Variants in KIAA0825 observed in about 807,000 individuals in gnomAD.
KIAA0825 encodes the protein KIAA0825, also known as uncharacterized protein KIAA0825.
Under a neutral mutation model 147.6 loss-of-function variants are expected in KIAA0825, and 119 were observed. The ratio of observed to expected loss-of-function variants is 0.81; its 90% confidence interval spans 0.69 to 0.94. KIAA0825 has a LOEUF of 0.94. Among genes scored for constraint, KIAA0825 ranks in the 40% least tolerant of loss-of-function variants. The probability of loss-of-function intolerance (pLI) is 0.00; values close to 1 mark genes in which losing one functional copy is unlikely to be tolerated. For synonymous variants in KIAA0825, 470 were observed against 518.1 expected (o/e 0.91, Z 1.26); for missense variants, 1,381 against 1,472.7 (o/e 0.94, Z 1.02).
chr5:94,275,090 T>A (rs1240582469), intron 20 of KIAA0825, among the ~76,000 whole-genome samples: 1 of 152,148 alleles, frequency 6.6e-6, no homozygotes, highest in Non-Finnish European at 1.5e-5. Flanking sequence ...AAGGAACACA[T>A]ATGCTTGACA....
chr5:94,445,403 C>G (rs750308405), intron 13 of KIAA0825, among the ~76,000 whole-genome samples: 2 of 152,106 alleles, frequency 1.3e-5, no homozygotes, highest in Admixed American at 6.6e-5. Flanking sequence ...TCATGACCCT[C>G]CCATGAGAGT....
intron 20 of KIAA0825, among the ~76,000 whole-genome samples, chr5:94,187,495 C>T (rs1286555814): frequency 6.9e-6 from 1 of 145,138 alleles, no homozygotes. Flanking sequence ...AGCGAGATCT[C>T]GGTTTACTGC....
intron 2 of KIAA0825, among the ~76,000 whole-genome samples, chr5:94,578,584 T>TTTAG (rs1398766889): frequency 6.6e-6 from 1 of 152,222 alleles, no homozygotes; most frequent in Non-Finnish European, 1.5e-5. Flanking sequence ...CCTGCTTATG[T>TTTAG]TTAGTTACTA....
chr5:94,561,694 C>T (rs1284118910), intron 2 of KIAA0825, among the ~76,000 whole-genome samples: 2 of 152,180 alleles, frequency 1.3e-5, no homozygotes, highest in African/African-American at 2.4e-5. Context: ...TAGAAAAACT[C>T]ATCTTGTTTT....
intron 20 of KIAA0825, among the ~76,000 whole-genome samples, chr5:94,266,578 C>T (rs1776747052): frequency 6.6e-6 from 1 of 152,078 alleles, no homozygotes; most frequent in Non-Finnish European, 1.5e-5. Context: ...TGTGCGAGGT[C>T]ATATTTTCTT....
chr5:94,169,210 C>T (rs1768355061), intron 20 of KIAA0825, among the ~76,000 whole-genome samples: 1 of 152,150 alleles, frequency 6.6e-6, no homozygotes, highest in African/African-American at 2.4e-5. Context: ...TTCCAACTAA[C>T]AGTAATATTG....
At chr5:94,216,553 T>C (rs897207401) in intron 20 of KIAA0825, among the ~76,000 whole-genome samples, 3 of 152,164 alleles carry the variant, frequency 2.0e-5, no homozygotes, top group African/African-American at 2.4e-5. Context: ...GATTACCTAG[T>C]CCTGGGGGAC....
intron 1 of KIAA0825, chr5:94,618,269 C>T (rs1456231143): frequency 6.6e-6 from 1 of 152,202 alleles, no homozygotes; most frequent in Admixed American, 6.5e-5. Flanking sequence ...CACTTGGTGA[C>T]CCGAGGTCGA....
intron 20 of KIAA0825, among the ~76,000 whole-genome samples, chr5:94,176,129 T>C (rs1210092774): frequency 3.9e-5 from 6 of 152,122 alleles, no homozygotes; most frequent in African/African-American, 1.4e-4. Context: ...GTTTGGGTCA[T>C]GGGGGCAGAT....
chr5:94,517,436 T>C (rs1192629162), intron 5 of KIAA0825, among the ~76,000 whole-genome samples: 2 of 152,072 alleles, frequency 1.3e-5, no homozygotes, highest in African/African-American at 4.8e-5. Context: ...AGATAGATGA[T>C]AGATGAATGA....
chr5:94,563,518 A>G (rs1561319663), intron 2 of KIAA0825, among the ~76,000 whole-genome samples: 1 of 152,338 alleles, frequency 6.6e-6, no homozygotes, highest in East Asian at 1.9e-4. Flanking sequence ...TAAAACTAAA[A>G]AAAAGTTCAC....
chr5:94,164,612 C>T (rs544416608), intron 20 of KIAA0825, among the ~76,000 whole-genome samples: 3 of 151,984 alleles, frequency 2.0e-5, no homozygotes, highest in Non-Finnish European at 4.4e-5. Flanking sequence ...GGGGTTTCAC[C>T]GTGTTAGCCA....
chr5:94,238,129 C>T (rs1211142634), intron 20 of KIAA0825, among the ~76,000 whole-genome samples: 1 of 152,096 alleles, frequency 6.6e-6, no homozygotes, highest in Non-Finnish European at 1.5e-5. Context: ...ATAACGATGG[C>T]TGTAACTGAC....
At chr5:94,612,365 T>A (rs1049616472) in intron 1 of KIAA0825, among the ~76,000 whole-genome samples, 1 of 152,218 alleles carries the variant, frequency 6.6e-6, no homozygotes, top group African/African-American at 2.4e-5. Flanking sequence ...AATACATGAC[T>A]TTGGCTTTTG....
chr5:94,358,867 TTATTC>T (rs1453598394), intron 20 of KIAA0825, among the ~76,000 whole-genome samples: 1 of 152,244 alleles, frequency 6.6e-6, no homozygotes, highest in Non-Finnish European at 1.5e-5. Flanking sequence ...ATATTTTTCT[TTATTC>T]TATCATGGCA....
chr5:94,183,411 C>T (rs1769842991), intron 20 of KIAA0825, among the ~76,000 whole-genome samples: 1 of 152,142 alleles, frequency 6.6e-6, no homozygotes, highest in African/African-American at 2.4e-5. Context: ...TGGTCTTAGT[C>T]TCTGGTTCCT....
At chr5:94,569,347 A>G in intron 2 of KIAA0825, 1 of 364,758 alleles carries the variant, frequency 2.7e-6, no homozygotes, top group Non-Finnish European at 5.1e-6. Flanking sequence ...AAATAATGAT[A>G]CACCCAACCA....
At chr5:94,391,824 T>C (rs1749938006) in intron 17 of KIAA0825, 130 bp from the exon 18 acceptor site, 6 of 768,078 alleles carry the variant, frequency 7.8e-6, no homozygotes, top group South Asian at 6.5e-5. Flanking sequence ...TACGCTGAAA[T>C]AGGTAAGCCT....
intron 20 of KIAA0825, among the ~76,000 whole-genome samples, chr5:94,332,066 G>A (rs1389011468): frequency 6.6e-6 from 1 of 150,640 alleles, no homozygotes; most frequent in Non-Finnish European, 1.5e-5. Context: ...GGAGGCTGAG[G>A]CAAGAGAATC....
Sources: gnomAD v4.1 joint callset for allele counts (sites outside exome capture counted in the v4.1 genomes callset) on GRCh38, gnomAD v4.1.1 for gene constraint, MANE v1.5 for transcripts, NCBI Gene and HGNC (gene_info 2026-07-23, HGNC 2026-07-21) for gene names.